Variants in CCDC146 observed in about 807,000 individuals in gnomAD.
The protein encoded by CCDC146 is coiled-coil domain-containing protein 146.
A neutral mutation model predicts 119.3 loss-of-function variants in CCDC146; 92 were observed. That is an observed-to-expected ratio of 0.77 (90% CI 0.65 to 0.92). The LOEUF (loss-of-function observed/expected upper bound fraction) is 0.92, where lower values mean the gene tolerates loss of function less well. Ranked by LOEUF, CCDC146 falls within the 40% of genes least tolerant of loss-of-function variation. The pLI, the probability that CCDC146 is intolerant of heterozygous loss-of-function variation, is 0.00. For synonymous variants in CCDC146, 372 were observed against 371.8 expected (o/e 1.00, Z -0.01); for missense variants, 1,000 against 1,103.0 (o/e 0.91, Z 1.32).
chr7:77,181,656 A>G (rs984671541), intron 2 of CCDC146, among the ~76,000 whole-genome samples: 1 of 152,154 alleles, frequency 6.6e-6, no homozygotes, highest in African/African-American at 2.4e-5. Context: ...TTTCTTGTAC[A>G]TTCATAGGAA....
Position 77,293,161 on chromosome 7 carries a change from T to C in CCDC146, c.2625T>C (p.Asp875=), listed in dbSNP as rs1584154575. 1.9e-6 allele frequency: 3 copies of C among 1,614,148 alleles called. No homozygotes were observed. The highest frequency in any genetic ancestry group is 4.5e-5 in the East Asian group (2 of 44,890). The change falls in exon 18 of 19, where the codon GAT becomes GAC. Residue 875 remains aspartate, a synonymous_variant. Transcript: ENST00000285871. ...AAGAATGGTTGAAAGTCCTTCGAGATGAAGAAATGCACGCCTTGGCCATCG... is the reference window on the plus strand; with the variant it reads ...AAGAATGGTTGAAAGTCCTTCGAGACGAAGAAATGCACGCCTTGGCCATCG... ...IEKEWLKVLR[D]EEMHALAIAE...
At chr7:77,128,432 T>C (rs1231387894) in intron 1 of CCDC146, among the ~76,000 whole-genome samples, 1 of 151,884 alleles carries the variant, frequency 6.6e-6, no homozygotes, top group Non-Finnish European at 1.5e-5. Context: ...GAATAAAGTA[T>C]GAATAAAGTC....
chr7:77,188,288 T>C (rs981897794), intron 2 of CCDC146, among the ~76,000 whole-genome samples: 3 of 152,076 alleles, frequency 2.0e-5, no homozygotes, highest in African/African-American at 4.8e-5. Context: ...TATCAAAATA[T>C]CTCATGTAGC....
At chr7:77,292,219 C>T (rs1584153370) in intron 17 of CCDC146, among the ~76,000 whole-genome samples, 1 of 151,280 alleles carries the variant, frequency 6.6e-6, no homozygotes, top group South Asian at 2.1e-4. Flanking sequence ...GCTTGAGCCC[C>T]GGAGTTCCAG....
At chr7:77,122,873 G>C (rs1790642407) in intron 1 of CCDC146, 141 bp downstream of exon 1, 1 of 152,758 alleles carries the variant, frequency 6.5e-6, no homozygotes, top group African/African-American at 2.4e-5. Flanking sequence ...TAAAGAGCAA[G>C]ATTGGTGCTT....
At chr7:77,160,250 G>A (rs1345734218) in intron 1 of CCDC146, among the ~76,000 whole-genome samples, 2 of 152,100 alleles carry the variant, frequency 1.3e-5, no homozygotes, top group African/African-American at 4.8e-5. Flanking sequence ...TTGGCGATGT[G>A]GGCTCTTTTT....
intron 2 of CCDC146, among the ~76,000 whole-genome samples, chr7:77,169,398 G>A (rs1312950354): frequency 1.3e-5 from 2 of 152,196 alleles, no homozygotes; most frequent in African/African-American, 4.8e-5. Flanking sequence ...ACCTCAAGAA[G>A]AGATACTCTG....
chr7:77,286,696 G>A (rs1793854455), intron 15 of CCDC146, 102 bp from the exon 16 acceptor site: 2 of 1,075,724 alleles, frequency 1.9e-6, no homozygotes, highest in East Asian at 2.4e-5. Context: ...ACCCTTGTCT[G>A]GGTTGGTCCT....
chr7:77,293,276 A>G, intron 18 of CCDC146, 76 bp downstream of exon 18: 1 of 1,510,878 alleles, frequency 6.6e-7, no homozygotes. Context: ...CAGTTATCCC[A>G]CAGTATAAGA....
chr7:77,129,622 A>G (rs1790753756), intron 1 of CCDC146, among the ~76,000 whole-genome samples: 1 of 152,050 alleles, frequency 6.6e-6, no homozygotes, highest in African/African-American at 2.4e-5. Context: ...CCCATGAATA[A>G]GGAGATACTA....
At chr7:77,229,476 T>C (rs911064240) in intron 2 of CCDC146, among the ~76,000 whole-genome samples, 1 of 152,224 alleles carries the variant, frequency 6.6e-6, no homozygotes, top group Non-Finnish European at 1.5e-5. Flanking sequence ...CTTTAATCCA[T>C]CTTGAGTTAA....
Position 77,158,890 on chromosome 7 carries a change from G to A in CCDC146, c.-11-8768G>A, listed in dbSNP as rs368882569. The stretch of plus-strand genomic sequence containing the variant: ...CCTGCCTATTTAATTAGATTAATTA[G>A]TGTTTTTTTGTTTTAATTCACACAG... On this transcript the variant is annotated intron_variant, in intron 1 of 18. Coordinates refer to ENST00000285871, the MANE Select transcript of CCDC146 (RefSeq NM_020879.3). 3.3e-5 allele frequency among the ~76,000 whole-genome samples: 5 copies of A among 152,258 alleles called. No individual in the cohort carries two copies. In the East Asian group the frequency reaches 7.7e-4, roughly 23 times the overall value.
In CCDC146 at chr7:77,260,104, A is replaced by T; in HGVS notation, c.854A>T (p.Asp285Val). 1 of 1,614,076 alleles carries T rather than the reference A, an allele frequency of 6.2e-7. No homozygotes were observed. The highest frequency in any genetic ancestry group is 8.5e-7 in the Non-Finnish European group (1 of 1,180,024). Residue 285 changes from aspartate to valine, a missense_variant, in exon 8 of 19, where the codon GAT becomes GTT. By Grantham distance (152) the Asp-to-Val change is radical (BLOSUM62 -3). Coordinates refer to ENST00000285871, the MANE Select transcript of CCDC146 (RefSeq NM_020879.3). ...GAAAACAAGGTTAGTGCTATAGTGG[A>T]TGAGAAGGAAAATGTAATAAAGGAA... ...KVENKVSAIV[D>V]EKENVIKEVE...
Position 77,196,328 on chromosome 7 carries a change from G to A in CCDC146, c.156+28504G>A. The A allele has an allele frequency of 6.2e-7, 1 of 1,614,094 alleles. No homozygotes were observed. Among genetic ancestry groups the A allele is most frequent in the Non-Finnish European group, 8.5e-7 (1 of 1,180,012 alleles). ...GATCATCATCTTAGCCTCTTTGAAGGAGGACTTGTAGCCACCAGGGTGTGC... is the reference window on the plus strand; with the variant it reads ...GATCATCATCTTAGCCTCTTTGAAGAAGGACTTGTAGCCACCAGGGTGTGC... On this transcript the variant is annotated intron_variant, in intron 2 of 18. Coordinates refer to ENST00000285871, the MANE Select transcript of CCDC146 (RefSeq NM_020879.3). This position sits in a 1 kb window ranked among gnomAD's most constrained non-coding sequence, Gnocchi z 4.2.
chr7:77,151,637 A>G (rs1262193265), intron 1 of CCDC146, among the ~76,000 whole-genome samples: 2 of 152,148 alleles, frequency 1.3e-5, no homozygotes, highest in Admixed American at 1.3e-4. Flanking sequence ...AATTAAAAAA[A>G]AACTCTTAAT....
chr7:77,230,970 C>T (rs3108450), intron 2 of CCDC146, among the ~76,000 whole-genome samples: 104,184 of 152,012 alleles, frequency 0.69, 36,608 homozygotes, highest in Admixed American at 0.8. Flanking sequence ...TTCAGGTATC[C>T]GTGGTCAACT....
At chr7:77,135,815 T>C (rs185082816) in intron 1 of CCDC146, among the ~76,000 whole-genome samples, 3 of 152,208 alleles carry the variant, frequency 2.0e-5, no homozygotes, top group Admixed American at 2.0e-4. Context: ...AGTAAATGGG[T>C]GGAGAAAAAT....
At chr7:77,236,853 G>A in intron 2 of CCDC146, 94 bp from the exon 3 acceptor site, 1 of 927,232 alleles carries the variant, frequency 1.1e-6, no homozygotes. Context: ...ATGTTTAATG[G>A]AGGATTTTAT....
chr7:77,171,604 G>A (rs35508555), intron 2 of CCDC146, among the ~76,000 whole-genome samples: 15,402 of 152,196 alleles, frequency 0.1, 1,024 homozygotes, highest in Non-Finnish European at 0.15. Flanking sequence ...TGTTTCATGC[G>A]TTTGGTTTCA....
Sources: gnomAD v4.1 joint callset for allele counts (sites outside exome capture counted in the v4.1 genomes callset) on GRCh38, gnomAD v4.1.1 for gene constraint, Gnocchi (gnomAD v3.1) non-coding constraint, MANE v1.5 for transcripts, NCBI Gene and HGNC (gene_info 2026-07-23, HGNC 2026-07-21) for gene names.